Variants in ARHGEF28 observed in about 807,000 individuals in gnomAD.
ARHGEF28 encodes 190 kDa guanine nucleotide exchange factor.
A neutral mutation model predicts 206.6 loss-of-function variants in ARHGEF28; 152 were observed. The observed-to-expected ratio is 0.74, with a 90% CI of 0.64 to 0.84. ARHGEF28 has a LOEUF of 0.84. ARHGEF28 is among the 40% of genes least tolerant of loss of function. The pLI is 0.00. For synonymous variants in ARHGEF28, 763 were observed against 776.4 expected (o/e 0.98, Z 0.29); for missense variants, 2,028 against 2,073.2 (o/e 0.98, Z 0.42).
rs1281724670 is a variant in ARHGEF28 at position 73,911,271 on chromosome 5, A to T, written c.4648-4A>T. The T allele has an allele frequency of 1.3e-6, 2 of 1,574,080 alleles. No homozygotes were observed. The highest frequency in any genetic ancestry group is 1.7e-6 in the Non-Finnish European group (2 of 1,156,700). ...TTGTACTTTTCCTCTGTTTCTTTAC[A>T]CAGGTAATGGAACTTAATCGATCTG... is the stretch of plus-strand genomic sequence containing the variant. On this transcript the variant is annotated splice_polypyrimidine_tract_variant and splice_region_variant and intron_variant, in intron 34 of 35. Transcript: ENST00000513042.
Position 73,911,439 on chromosome 5 carries a change from G to C in ARHGEF28, c.4812G>C (p.Arg1604Ser). ...CTCAATCTCATTCTGACTTGGTGAG[G>C]ACTAGTGAACATCAAGTAGACCTCA... is the stretch of plus-strand genomic sequence containing the variant. ...PTTQSHSDLV[R>S]TSEHQVDLKV... is the part of the protein sequence containing the mutation. The change falls in exon 35 of 36, where the codon AGG (arginine) becomes AGC (serine). Residue 1604 changes from arginine (R) to serine (S), a missense_variant. Arg to Ser is a moderately radical substitution (Grantham distance 110). Coordinates refer to ENST00000513042, the MANE Select transcript of ARHGEF28 (RefSeq NM_001177693.2). 2 of 1,613,960 alleles carry C rather than the reference G, an allele frequency of 1.2e-6. No individual in the cohort carries two copies. The highest frequency in any genetic ancestry group is 1.7e-6 in the Non-Finnish European group (2 of 1,179,886).
In ARHGEF28 at chr5:73,941,193, G is replaced by A. The variant is rs1742599002; in HGVS notation, c.*180G>A. Reference sequence around the variant, plus strand: ...TAATTAAATTATTGAAAGCCACCCTGTTTGTATAATCTTTAACTTATCAAA... The same window carrying A: ...TAATTAAATTATTGAAAGCCACCCTATTTGTATAATCTTTAACTTATCAAA... On this transcript the variant is annotated 3_prime_UTR_variant, in exon 36 of 36. Transcript: ENST00000513042. The A allele has an allele frequency of 1.2e-5, 5 of 422,184 alleles. No individual in the cohort carries two copies. Among genetic ancestry groups the A allele is most frequent in the Non-Finnish European group, 1.5e-5 (4 of 262,410 alleles). The allele number at this position is 422,184 out of a possible 1,614,324, so 26.2% of individuals were successfully genotyped here. A position where few individuals can be genotyped will look rare whatever the true frequency, so the allele number is the denominator to read the frequency against.
chr5:73,826,897 A>T (rs1756947713), intron 9 of ARHGEF28, among the ~76,000 whole-genome samples: 1 of 152,212 alleles, frequency 6.6e-6, no homozygotes, highest in African/African-American at 2.4e-5. Flanking sequence ...ATTACAAAGC[A>T]GTGAGAATAG....
At chr5:73,642,827 T>A (rs1744207499) in intron 1 of ARHGEF28, among the ~76,000 whole-genome samples, 1 of 152,214 alleles carries the variant, frequency 6.6e-6, no homozygotes, top group African/African-American at 2.4e-5. Context: ...CTCTAATATC[T>A]GTTCATGTGG....
At chr5:73,872,967 G>A in intron 21 of ARHGEF28, 32 bp from the exon 22 acceptor site, 2 of 1,604,678 alleles carry the variant, frequency 1.2e-6, no homozygotes, top group Non-Finnish European at 1.7e-6. Flanking sequence ...TTTAAAGCTT[G>A]TTTAAGGCTT....
In ARHGEF28 at chr5:73,894,438, A is replaced by G; in HGVS notation, c.3704A>G (p.Glu1235Gly). 5 of 1,613,678 alleles carry G rather than the reference A, an allele frequency of 3.1e-6. No homozygotes were observed. The highest frequency in any genetic ancestry group is 4.2e-6 in the Non-Finnish European group (5 of 1,179,756). The change falls in exon 29 of 36, where the codon GAG becomes GGG. Residue 1235 changes from glutamate to glycine, a missense_variant. This residue lies in a region of ARHGEF28 where 803 missense variants were observed against 768.0 expected (regional missense o/e 1.05). Transcript: ENST00000513042. ...CAACAAATTTGTGCGTATTTGGAGG[A>G]GAAGCTGCATATCTATGCTGAACTT... is the stretch of plus-strand genomic sequence containing the variant. ...QDQQICAYLE[E>G]KLHIYAELGE...
chr5:73,799,529 C>T (rs1336718576), intron 9 of ARHGEF28, among the ~76,000 whole-genome samples: 1 of 152,158 alleles, frequency 6.6e-6, no homozygotes, highest in East Asian at 1.9e-4. Context: ...TGCTCCTGTT[C>T]TTTCATCGAA....
At chr5:73,777,499 A>G (rs1753607541) in intron 6 of ARHGEF28, among the ~76,000 whole-genome samples, 1 of 152,294 alleles carries the variant, frequency 6.6e-6, no homozygotes, top group Admixed American at 6.5e-5. Context: ...TAGAAAACCA[A>G]TATTATCATT....
intron 1 of ARHGEF28, among the ~76,000 whole-genome samples, chr5:73,654,928 C>T (rs1225419589): frequency 1.3e-5 from 2 of 152,156 alleles, no homozygotes; most frequent in Admixed American, 1.3e-4. Flanking sequence ...CCAGATGGTG[C>T]ATTCATCTGG....
chr5:73,659,005 A>C (rs999573421), intron 1 of ARHGEF28, among the ~76,000 whole-genome samples: 111 of 145,916 alleles, frequency 7.6e-4, no homozygotes, highest in African/African-American at 1.7e-3. Flanking sequence ...ACACACACAC[A>C]CCACACTCAC....
At chr5:73,837,301 G>C (rs995331031) in intron 10 of ARHGEF28, among the ~76,000 whole-genome samples, 4 of 152,030 alleles carry the variant, frequency 2.6e-5, no homozygotes, top group African/African-American at 9.7e-5. Context: ...ATGAACACAG[G>C]ATATCTTTCA....
At position 73,888,048 on chromosome 5, in the gene ARHGEF28, G is replaced by A. The variant is rs888180515; in HGVS notation, c.3387+369G>A. On this transcript the variant is annotated intron_variant, in intron 26 of 35. Coordinates refer to ENST00000513042, the MANE Select transcript of ARHGEF28 (RefSeq NM_001177693.2). ...AGACTCCTCTCTTCCCCGCCCCTTC[G>A]GCCCCCAAACCCCTTCCCTTAGATC... 2.6e-5 allele frequency among the ~76,000 whole-genome samples: 4 copies of A among 151,674 alleles called. No homozygotes were observed. In the South Asian group the frequency reaches 6.2e-4, roughly 24 times the overall value.
At chr5:73,859,370 A>G (rs544568969) in intron 16 of ARHGEF28, among the ~76,000 whole-genome samples, 6 of 152,304 alleles carry the variant, frequency 3.9e-5, no homozygotes, top group African/African-American at 1.2e-4. Flanking sequence ...GTGGGATGGG[A>G]GCACAAAGGG....
At chr5:73,840,832 GTTT>G in intron 11 of ARHGEF28, 72 bp downstream of exon 11, 2 of 1,449,582 alleles carry the variant, frequency 1.4e-6, no homozygotes, top group Non-Finnish European at 1.8e-6. Context: ...AAAAATTCTA[GTTT>G]TAAACTTTTT....
chr5:73,939,803 G>A (rs561306042), intron 35 of ARHGEF28, among the ~76,000 whole-genome samples: 21 of 152,366 alleles, frequency 1.4e-4, no homozygotes, highest in Admixed American at 6.5e-5. Context: ...ATGTCTGCAC[G>A]TGTGTATATC....
rs751743777 is a variant in ARHGEF28 at position 73,840,507 on chromosome 5, A to T, written c.1174A>T (p.Asn392Tyr). ...QVGDLDISYI[N>Y]IEGITATTSP... ...TGGTGATTTGGATATCAGCTATATT[A>T]ATATAGAGGGAATCACTGCCACTAC... Residue 392 changes from asparagine (N) to tyrosine (Y), a missense_variant, in exon 11 of 36, where the codon AAT (asparagine) becomes TAT (tyrosine). Asn to Tyr is a moderately radical substitution (Grantham distance 143). Around this residue, in one of 3 missense-constraint regions of ARHGEF28, gnomAD observed 1,002 missense variants for 1,015.3 expected, o/e 0.99. Transcript: ENST00000513042. 1 of 1,613,846 alleles carries T rather than the reference A, an allele frequency of 6.2e-7. No individual in the cohort carries two copies.
chr5:73,761,398 T>C (rs761875898), intron 4 of ARHGEF28, among the ~76,000 whole-genome samples: 134 of 152,252 alleles, frequency 8.8e-4, no homozygotes, highest in Non-Finnish European at 1.6e-3. Flanking sequence ...AAACTACCAA[T>C]GTTTGGAGGT....
chr5:73,778,184 A>G (rs1753644599), intron 6 of ARHGEF28: 2 of 152,210 alleles, frequency 1.3e-5, no homozygotes, highest in South Asian at 4.1e-4. Context: ...TTTTGCCAGC[A>G]TCAGTTCCAT....
intron 30 of ARHGEF28, chr5:73,900,826 T>G: frequency 5.5e-6 from 1 of 183,134 alleles, no homozygotes; most frequent in African/African-American, 2.3e-5. Flanking sequence ...AGCACCTGTT[T>G]TAAATTTCAC....
Sources: allele counts gnomAD v4.1 joint callset (sites outside exome capture counted in the v4.1 genomes callset), GRCh38; gene constraint gnomAD v4.1.1; regional missense constraint gnomAD v4.1.1; transcripts MANE v1.5; gene names NCBI Gene and HGNC (gene_info 2026-07-23, HGNC 2026-07-21).